CDH3: variants seen among roughly 807,000 people sequenced by gnomAD.
The protein encoded by CDH3 is cadherin 3.
CDH3 carries 54 observed loss-of-function variants against 82.0 expected under a neutral mutation model. The ratio of observed to expected loss-of-function variants is 0.66; its 90% confidence interval spans 0.53 to 0.83. The LOEUF (loss-of-function observed/expected upper bound fraction) is 0.83. Ranked by LOEUF, CDH3 falls within the 40% of genes least tolerant of loss-of-function variation. The probability of loss-of-function intolerance (pLI) is 0.00; values close to 1 mark genes in which losing one functional copy is unlikely to be tolerated. For missense variants in CDH3, 1,054 were observed against 1,084.6 expected (o/e 0.97, Z 0.40); for synonymous variants, 446 against 437.9 (o/e 1.02, Z -0.23).
intron 2 of CDH3, among the ~76,000 whole-genome samples, chr16:68,671,711 G>A (rs1960888598): frequency 6.6e-6 from 1 of 151,588 alleles, no homozygotes; most frequent in Non-Finnish European, 1.5e-5. Context: ...TAGTAGAGAC[G>A]GGATTTTACT....
In CDH3 at chr16:68,713,147, A is replaced by G. The variant is rs547641705; in HGVS notation, c.100-9278A>G. 7.5e-4 allele frequency among the ~76,000 whole-genome samples: 114 copies of G among 152,080 alleles called. 2 individuals are homozygous for G. In the South Asian group the frequency reaches 0.022, roughly 29 times the overall value. On this transcript the variant is annotated intron_variant, in intron 1 of 2. Transcript: ENST00000569080. ...GATTGTTTTTGGTTGACTACTCTTTATGACCCTTGAAAAACATTTTAAATG... is the reference window on the plus strand; with the variant it reads ...GATTGTTTTTGGTTGACTACTCTTTGTGACCCTTGAAAAACATTTTAAATG...
chr16:68,645,608 C>T, intron 1 of CDH3, 28 bp from the exon 2 acceptor site: 2 of 1,526,428 alleles, frequency 1.3e-6, no homozygotes, highest in South Asian at 1.2e-5. Flanking sequence ...TGGACCCAGC[C>T]TCCTTCACTC....
intron 2 of CDH3, among the ~76,000 whole-genome samples, chr16:68,675,877 G>A (rs867879336): frequency 1.3e-5 from 2 of 152,172 alleles, no homozygotes; most frequent in South Asian, 2.1e-4. Flanking sequence ...TTCACCTCCA[G>A]CTGGTGAATG....
chr16:68,728,038 T>A (rs1371187452), downstream of CDH3, among the ~76,000 whole-genome samples: 1 of 152,222 alleles, frequency 6.6e-6, no homozygotes, highest in Non-Finnish European at 1.5e-5. Flanking sequence ...ATCACTTTTA[T>A]CATACATTAT....
chr16:68,673,597 A>C (rs1415411114), intron 2 of CDH3, among the ~76,000 whole-genome samples: 1 of 152,092 alleles, frequency 6.6e-6, no homozygotes, highest in Non-Finnish European at 1.5e-5. Context: ...TTGCTGGAAC[A>C]GGTGCATACC....
At chr16:68,650,954 AG>A (rs1384547347) in intron 2 of CDH3, 11 of 197,634 alleles carry the variant, frequency 5.6e-5, no homozygotes, top group East Asian at 1.5e-4. Flanking sequence ...AAAAAAAAAA[AG>A]AAGAGGAAAA....
intron 2 of CDH3, among the ~76,000 whole-genome samples, chr16:68,648,637 G>C (rs569677704): frequency 6.6e-6 from 1 of 152,124 alleles, no homozygotes; most frequent in African/African-American, 2.4e-5. Context: ...GTTTTCTAGA[G>C]ACGGGGTCTC....
chr16:68,702,190 C>A (rs930792637), downstream of CDH3, among the ~76,000 whole-genome samples: 1 of 152,106 alleles, frequency 6.6e-6, no homozygotes, highest in African/African-American at 2.4e-5. Context: ...CTGTGCCCAG[C>A]CTACACACAT....
chr16:68,696,333 G>T (rs946516108), intron 15 of CDH3: 6 of 329,590 alleles, frequency 1.8e-5, no homozygotes, highest in African/African-American at 1.3e-4. Context: ...CACAAGAATC[G>T]CTTGAACCAA....
At position 68,651,410 on chromosome 16, in the gene CDH3, G is replaced by A. The variant is rs531687573; in HGVS notation, c.160+5660G>A. On this transcript the variant is annotated intron_variant, in intron 2 of 15. Transcript: ENST00000264012. ...AGAGATGCCTCCTTGTGCCGTACAT[G>A]GTCATACCCGACTGGCTTGCACATT... The A allele has an allele frequency of 8.4e-5, 46 of 549,068 alleles. 1 individual carries two copies. Among genetic ancestry groups the A allele is most frequent in the Non-Finnish European group, 1.1e-5 (3 of 271,344 alleles). 34.0% of individuals were successfully genotyped at this position (549,068 alleles called of 1,614,324 possible).
intron 1 of CDH3, among the ~76,000 whole-genome samples, chr16:68,719,171 A>C (rs1962130334): frequency 6.7e-6 from 1 of 150,012 alleles, no homozygotes; most frequent in Non-Finnish European, 1.5e-5. Flanking sequence ...TGAACCCAGG[A>C]GGTGGAGGTT....
At chr16:68,667,268 T>C (rs1173795315) in intron 2 of CDH3, among the ~76,000 whole-genome samples, 1 of 152,202 alleles carries the variant, frequency 6.6e-6, no homozygotes, top group Non-Finnish European at 1.5e-5. Flanking sequence ...AAGGACAAAT[T>C]TGTTTGTTTT....
intron 2 of CDH3, among the ~76,000 whole-genome samples, chr16:68,660,134 C>A (rs1455383314): frequency 2.6e-5 from 4 of 152,194 alleles, no homozygotes; most frequent in Non-Finnish European, 5.9e-5. Flanking sequence ...GGAAAGACTG[C>A]TGTAGAAAGA....
At chr16:68,672,199 A>T (rs1567444918) in intron 2 of CDH3, among the ~76,000 whole-genome samples, 1 of 143,726 alleles carries the variant, frequency 7.0e-6, no homozygotes, top group East Asian at 1.9e-4. Context: ...TCAAAAAAAA[A>T]AAAAATAAAT....
At chr16:68,704,087 C>G (rs1179487155), downstream of CDH3, among the ~76,000 whole-genome samples, 1 of 151,890 alleles carries the variant, frequency 6.6e-6, no homozygotes, top group Non-Finnish European at 1.5e-5. Flanking sequence ...GAGATCGAGA[C>G]CATCCTGGCT....
intron 12 of CDH3, among the ~76,000 whole-genome samples, chr16:68,690,920 GCT>G (rs1197468889): frequency 6.6e-6 from 1 of 152,016 alleles, no homozygotes; most frequent in African/African-American, 2.4e-5. Flanking sequence ...AAAATTGAAT[GCT>G]CAGTTGGAAA....
chr16:68,691,874 C>T lies in CDH3; in HGVS notation c.1950C>T (p.Pro650=). 1 of 1,614,080 alleles carries T rather than the reference C, an allele frequency of 6.2e-7. No homozygotes were observed. Among genetic ancestry groups the T allele is most frequent in the Non-Finnish European group, 8.5e-7 (1 of 1,180,008 alleles). Residue 650 remains proline, a synonymous_variant, in exon 13 of 16, where the codon CCC becomes CCT. Transcript: ENST00000264012. The stretch of plus-strand genomic sequence containing the variant: ...GCCATGTCGAAACCTGCCCTGGACC[C>T]TGGAAGGGAGGTTTCATCCTCCCTG... ...CHGHVETCPG[P]WKGGFILPVL...
intron 2 of CDH3, among the ~76,000 whole-genome samples, chr16:68,669,024 A>T (rs1389349094): frequency 1.3e-5 from 2 of 152,192 alleles, no homozygotes; most frequent in African/African-American, 4.8e-5. Context: ...CAATCATGTG[A>T]TAGATAAGTG....
At chr16:68,687,946 C>T (rs1961462738) in intron 12 of CDH3, among the ~76,000 whole-genome samples, 1 of 151,358 alleles carries the variant, frequency 6.6e-6, no homozygotes, top group Non-Finnish European at 1.5e-5. Flanking sequence ...TCTAGCCCAA[C>T]CGCCTTCCTG....
Sources: allele counts gnomAD v4.1 joint callset (sites outside exome capture counted in the v4.1 genomes callset), GRCh38; gene constraint gnomAD v4.1.1; transcripts MANE v1.5; gene names NCBI Gene and HGNC (gene_info 2026-07-23, HGNC 2026-07-21).